Variants in WWOX observed in about 807,000 individuals in gnomAD.
WWOX encodes the protein WW domain-containing oxidoreductase.
In WWOX, 69 loss-of-function variants were observed where a neutral mutation model predicts 46.2. The ratio of observed to expected loss-of-function variants is 1.49; its 90% confidence interval spans 1.23 to 1.82. The LOEUF is 1.82. WWOX is among the 40% of genes most tolerant of loss of function. The pLI, the probability that WWOX is intolerant of heterozygous loss-of-function variation, is 0.00. For missense variants in WWOX, 919 were observed against 542.6 expected (o/e 1.69, Z -6.89); for synonymous variants, 359 against 202.6 (o/e 1.77, Z -6.56).
Position 78,900,761 on chromosome 16 carries a change from C to T in WWOX, c.1057-310847C>T, listed in dbSNP as rs1276228340. 2.6e-5 allele frequency among the ~76,000 whole-genome samples: 4 copies of T among 151,252 alleles called. No individual in the cohort carries two copies. In the East Asian group the frequency reaches 5.8e-4, roughly 22 times the overall value. On this transcript the variant is annotated intron_variant, in intron 8 of 8. Coordinates refer to ENST00000566780, the MANE Select transcript of WWOX (RefSeq NM_016373.4). ...TACTAGTACCACTTTCAAGAATATT[C>T]ATAGTGGTCATGCTAACGTAATAAC...
At chr16:78,310,949 G>A (rs1171091652) in intron 5 of WWOX, among the ~76,000 whole-genome samples, 1 of 152,194 alleles carries the variant, frequency 6.6e-6, no homozygotes, top group African/African-American at 2.4e-5. Context: ...TGCTTGGGAA[G>A]CCCCAGAGAA....
At chr16:78,245,456 A>G (rs1297825594) in intron 5 of WWOX, among the ~76,000 whole-genome samples, 3 of 152,204 alleles carry the variant, frequency 2.0e-5, no homozygotes, top group Admixed American at 6.5e-5. Flanking sequence ...CCTGATACAT[A>G]TTAACTTGGG....
chr16:78,768,594 A>T (rs1258134522), intron 8 of WWOX, among the ~76,000 whole-genome samples: 1 of 90,034 alleles, frequency 1.1e-5, no homozygotes, highest in Non-Finnish European at 2.5e-5. Flanking sequence ...CATCTCGAGG[A>T]AAAAAAAAAA....
chr16:78,857,374 A>G (rs891863718), intron 8 of WWOX, among the ~76,000 whole-genome samples: 2 of 152,212 alleles, frequency 1.3e-5, no homozygotes, highest in East Asian at 3.8e-4. Flanking sequence ...GTTGGTGAGC[A>G]TGTAAGTATA....
intron 8 of WWOX, among the ~76,000 whole-genome samples, chr16:78,746,677 C>G (rs1451647282): frequency 6.6e-6 from 1 of 151,890 alleles, no homozygotes; most frequent in African/African-American, 2.4e-5. Flanking sequence ...CTTTGTACTC[C>G]TGCATTTTTC....
intron 8 of WWOX, among the ~76,000 whole-genome samples, chr16:78,478,741 T>C (rs2084415446): frequency 6.6e-6 from 1 of 152,266 alleles, no homozygotes; most frequent in Non-Finnish European, 1.5e-5. Flanking sequence ...TGAATATGCA[T>C]ACAGTATGTG....
At chr16:78,854,384 T>G (rs961835149) in intron 8 of WWOX, among the ~76,000 whole-genome samples, 5 of 152,232 alleles carry the variant, frequency 3.3e-5, no homozygotes, top group African/African-American at 9.6e-5. Flanking sequence ...TGTTTGAAAT[T>G]ATCATGAAAC....
At chr16:78,783,186 C>A (rs1198290752) in intron 8 of WWOX, among the ~76,000 whole-genome samples, 2 of 152,156 alleles carry the variant, frequency 1.3e-5, no homozygotes, top group Admixed American at 1.3e-4. Context: ...ATAATGGCTG[C>A]CTGATAATTG....
chr16:78,573,752 T>A (rs2044777950), intron 8 of WWOX, among the ~76,000 whole-genome samples: 1 of 152,250 alleles, frequency 6.6e-6, no homozygotes, highest in African/African-American at 2.4e-5. Flanking sequence ...TTCCTGTCCT[T>A]GCCACACCAT....
intron 8 of WWOX, among the ~76,000 whole-genome samples, chr16:78,808,706 T>A (rs2051106719): frequency 6.6e-6 from 1 of 152,196 alleles, no homozygotes; most frequent in Admixed American, 6.5e-5. Flanking sequence ...TCACACTAGA[T>A]TGAGTGGTTC....
At chr16:78,358,354 A>G (rs536263659) in intron 5 of WWOX, among the ~76,000 whole-genome samples, 22 of 152,324 alleles carry the variant, frequency 1.4e-4, no homozygotes, top group Admixed American at 9.8e-4. Flanking sequence ...AATAAAGTCA[A>G]TGTTGTAAAT....
intron 8 of WWOX, among the ~76,000 whole-genome samples, chr16:78,561,765 C>G (rs908854554): frequency 6.6e-6 from 1 of 152,158 alleles, no homozygotes; most frequent in Non-Finnish European, 1.5e-5. Context: ...ACGGCTTCAC[C>G]TGTGAGCCGA....
chr16:79,118,617 A>G (rs1297159757), intron 8 of WWOX, among the ~76,000 whole-genome samples: 1 of 152,256 alleles, frequency 6.6e-6, no homozygotes, highest in Admixed American at 6.5e-5. Flanking sequence ...CCGATAATAC[A>G]TACAGCTCAG....
intron 8 of WWOX, among the ~76,000 whole-genome samples, chr16:78,908,264 G>A (rs1447392306): frequency 6.6e-6 from 1 of 152,132 alleles, no homozygotes; most frequent in Non-Finnish European, 1.5e-5. Flanking sequence ...TTAGGTCCAG[G>A]CACGGTGGCT....
chr16:78,620,160 A>G (rs144928868), intron 8 of WWOX, among the ~76,000 whole-genome samples: 318 of 152,294 alleles, frequency 2.1e-3, no homozygotes, highest in African/African-American at 7.2e-3. Context: ...TAGGATGAAT[A>G]ATAATACTAT....
At chr16:79,180,863 G>A (rs978013987) in intron 8 of WWOX, among the ~76,000 whole-genome samples, 3 of 152,132 alleles carry the variant, frequency 2.0e-5, no homozygotes, top group African/African-American at 7.2e-5. Context: ...TGACAAAATT[G>A]CTACTGTTTC....
chr16:79,157,882 C>T (rs933503319), intron 8 of WWOX, among the ~76,000 whole-genome samples: 1 of 152,124 alleles, frequency 6.6e-6, no homozygotes, highest in African/African-American at 2.4e-5. Context: ...TCAGCAGGCT[C>T]TGGGGAAGAG....
At chr16:78,585,979 T>G (rs992322658) in intron 8 of WWOX, among the ~76,000 whole-genome samples, 1 of 152,054 alleles carries the variant, frequency 6.6e-6, no homozygotes, top group South Asian at 2.1e-4. Context: ...CGGGGATCCC[T>G]TGAGCCCAGG....
chr16:78,632,250 A>G (rs1387217123), intron 8 of WWOX, among the ~76,000 whole-genome samples: 2 of 152,162 alleles, frequency 1.3e-5, no homozygotes, highest in East Asian at 1.9e-4. Context: ...TACTACTAGT[A>G]TTTGCTTCCA....
Sources: allele counts gnomAD v4.1 joint callset (sites outside exome capture counted in the v4.1 genomes callset), GRCh38; gene constraint gnomAD v4.1.1; transcripts MANE v1.5; gene names NCBI Gene and HGNC (gene_info 2026-07-23, HGNC 2026-07-21).